RAB3C: variants seen among roughly 807,000 people sequenced by gnomAD.
The protein encoded by RAB3C is ras-related protein Rab-3C.
RAB3C carries 17 observed loss-of-function variants against 26.4 expected under a neutral mutation model. The ratio of observed to expected loss-of-function variants is 0.64; its 90% CI spans 0.44 to 0.97. RAB3C has a LOEUF of 0.97. Among genes scored for constraint, RAB3C ranks in the 50% least tolerant of loss-of-function variants. The pLI is 0.00. For synonymous variants in RAB3C, 91 were observed against 95.9 expected (o/e 0.95, Z 0.30); for missense variants, 242 against 281.9 (o/e 0.86, Z 1.01).
At chr5:58,617,223 C>T (rs1250681287) in intron 1 of RAB3C, among the ~76,000 whole-genome samples, 2 of 152,062 alleles carry the variant, frequency 1.3e-5, no homozygotes, top group African/African-American at 2.4e-5. Flanking sequence ...AAGAGAGATT[C>T]GAATCATTCA....
chr5:58,836,974 G>T (rs1456989299), intron 4 of RAB3C, among the ~76,000 whole-genome samples: 3 of 152,076 alleles, frequency 2.0e-5, no homozygotes, highest in Non-Finnish European at 4.4e-5. Context: ...CTCCATAGTG[G>T]TTATACTAGT....
intron 2 of RAB3C, among the ~76,000 whole-genome samples, chr5:58,701,081 C>T (rs531522452): frequency 6.6e-5 from 10 of 152,040 alleles, no homozygotes; most frequent in Admixed American, 1.3e-4. Flanking sequence ...CTGCAAGCTC[C>T]GCCTCCCAAG....
chr5:58,589,619 A>G (rs1351444219), intron 1 of RAB3C, among the ~76,000 whole-genome samples: 2 of 152,180 alleles, frequency 1.3e-5, no homozygotes, highest in Admixed American at 6.5e-5. Context: ...TTATCTATCT[A>G]TGTATCTCCC....
chr5:58,803,341 G>A (rs939470980), intron 3 of RAB3C, among the ~76,000 whole-genome samples: 1 of 152,146 alleles, frequency 6.6e-6, no homozygotes, highest in Non-Finnish European at 1.5e-5. Context: ...GGTTTTTACT[G>A]ATGAGCTTAA....
chr5:58,742,831 G>T (rs1385096173), intron 3 of RAB3C, among the ~76,000 whole-genome samples: 1 of 152,116 alleles, frequency 6.6e-6, no homozygotes, highest in Non-Finnish European at 1.5e-5. Flanking sequence ...TAGCAGATAA[G>T]ACAGCTTCTT....
intron 3 of RAB3C, among the ~76,000 whole-genome samples, chr5:58,786,348 G>A (rs770765193): frequency 4.6e-5 from 7 of 152,086 alleles, no homozygotes; most frequent in Non-Finnish European, 1.0e-4. Context: ...ATGCATTGGA[G>A]GCAGCTGGCT....
chr5:58,781,494 G>A (rs550143878), intron 3 of RAB3C, among the ~76,000 whole-genome samples: 1 of 151,654 alleles, frequency 6.6e-6, no homozygotes, highest in East Asian at 1.9e-4. Context: ...CACCATTCTA[G>A]ATGCACAGGG....
intron 4 of RAB3C, chr5:58,846,772 T>A (rs1233594566): frequency 3.3e-5 from 5 of 151,926 alleles, no homozygotes; most frequent in Admixed American, 2.0e-4. Flanking sequence ...GTAGTCTGGC[T>A]TACACTGCCT....
intron 3 of RAB3C, among the ~76,000 whole-genome samples, chr5:58,744,446 C>T (rs79462488): frequency 0.02 from 3,082 of 152,258 alleles, 101 homozygotes; most frequent in African/African-American, 0.069. Flanking sequence ...CATCGTCACA[C>T]GATTCATCGG....
intron 2 of RAB3C, among the ~76,000 whole-genome samples, chr5:58,623,141 A>T (rs1746970728): frequency 6.6e-6 from 1 of 152,216 alleles, no homozygotes; most frequent in Non-Finnish European, 1.5e-5. Context: ...AAACACATAG[A>T]TATGCACAGA....
chr5:58,599,393 C>T (rs1473044614), intron 1 of RAB3C, among the ~76,000 whole-genome samples: 2 of 152,112 alleles, frequency 1.3e-5, no homozygotes. Context: ...TGAATCTAGT[C>T]CTGAGCTTCA....
chr5:58,656,912 A>G (rs943398096), intron 2 of RAB3C, among the ~76,000 whole-genome samples: 15 of 152,242 alleles, frequency 9.9e-5, no homozygotes, highest in African/African-American at 3.6e-4. Flanking sequence ...AGAAGTCATT[A>G]TACCAAAAAG....
In RAB3C at chr5:58,845,594, C is replaced by CTATATATATATATATA. The variant is rs147626783; in HGVS notation, c.497-5566_497-5551dup. Reference sequence around the variant, plus strand: ...CATTCATTTAGGACAGTGATTCTTACTATATATATATATATATATGTGTGT... The same window carrying CTATATATATATATATA: ...CATTCATTTAGGACAGTGATTCTTACTATATATATATATATATATATATATATATATATATGTGTGT... On this transcript the variant is annotated intron_variant, in intron 4 of 4. Coordinates refer to ENST00000282878, the MANE Select transcript of RAB3C (RefSeq NM_138453.4). Among the ~76,000 whole-genome samples the CTATATATATATATATA allele has an allele frequency of 1.1e-3, 81 of 74,450 alleles. 1 individual carries two copies. Among genetic ancestry groups the CTATATATATATATATA allele is most frequent in the African/African-American group, 1.5e-3 (25 of 16,210 alleles). The allele number at this position is 74,450 out of a possible 152,430, so 48.8% of individuals were successfully genotyped here. A position where few individuals can be genotyped will look rare whatever the true frequency, so the allele number is the denominator to read the frequency against.
At chr5:58,657,623 T>G (rs1195005589) in intron 2 of RAB3C, among the ~76,000 whole-genome samples, 1 of 151,956 alleles carries the variant, frequency 6.6e-6, no homozygotes, top group Non-Finnish European at 1.5e-5. Flanking sequence ...GATGGTGAGG[T>G]GGGAGAAGCA....
In RAB3C at chr5:58,859,320, A is replaced by C. The variant is rs1744332257; in HGVS notation, c.*7969A>C. 6.6e-6 allele frequency: 1 copy of C among 152,220 alleles called. No homozygotes were observed. 9.4% of individuals were successfully genotyped at this position (152,220 alleles called of 1,614,324 possible). On this transcript the variant is annotated 3_prime_UTR_variant, in exon 5 of 5. Transcript: ENST00000282878. ...AGTTTGTATGTGAATTCTATAAAGA[A>C]AGTGGTTTTTGTTCTTTGAGTTTGT...
intron 2 of RAB3C, among the ~76,000 whole-genome samples, chr5:58,723,937 A>G (rs1344540001): frequency 6.6e-6 from 1 of 151,050 alleles, no homozygotes; most frequent in Non-Finnish European, 1.5e-5. Context: ...GAAACTGAAG[A>G]GCATTTGAAT....
intron 3 of RAB3C, among the ~76,000 whole-genome samples, chr5:58,786,783 AT>A (rs1288255597): frequency 6.6e-6 from 1 of 151,916 alleles, no homozygotes; most frequent in Admixed American, 6.6e-5. Flanking sequence ...AAAAAAAAAA[AT>A]CTACTTATGT....
At chr5:58,712,110 C>G (rs1425260722) in intron 2 of RAB3C, among the ~76,000 whole-genome samples, 1 of 152,160 alleles carries the variant, frequency 6.6e-6, no homozygotes, top group South Asian at 2.1e-4. Context: ...CAACCGTCCC[C>G]GTTCCTGGAG....
intron 2 of RAB3C, among the ~76,000 whole-genome samples, chr5:58,723,958 G>A (rs908197355): frequency 1.3e-5 from 2 of 151,786 alleles, no homozygotes; most frequent in African/African-American, 4.8e-5. Context: ...TATAAGTGAT[G>A]CCCCAGGTCC....
Sources: allele counts gnomAD v4.1 joint callset (sites outside exome capture counted in the v4.1 genomes callset), GRCh38; gene constraint gnomAD v4.1.1; transcripts MANE v1.5; gene names NCBI Gene and HGNC (gene_info 2026-07-23, HGNC 2026-07-21).